The following TTLL1 variants were observed in gnomAD, a reference collection of about 807,000 sequenced individuals.
TTLL1 encodes TTL family tubulin polyglutamylase complex subunit L1.
In TTLL1, 33 loss-of-function variants were observed where a neutral mutation model predicts 47.8. That is an observed-to-expected ratio of 0.69 (90% CI 0.52 to 0.92). The LOEUF is 0.92. Among genes scored for constraint, TTLL1 ranks in the 40% least tolerant of loss-of-function variants. The pLI is 0.00. For synonymous variants in TTLL1, 225 were observed against 214.1 expected, an observed-to-expected ratio of 1.05 and a Z score of -0.45; for missense variants, 488 against 547.5, an observed-to-expected ratio of 0.89 and a Z score of 1.08.
rs149053924 is a variant in TTLL1 at position 43,064,267 on chromosome 22, C to G, written c.561G>C (p.Pro187=). 1 of 1,614,068 alleles carries G rather than the reference C, an allele frequency of 6.2e-7. No individual in the cohort carries two copies. Residue 187 remains proline (P), a synonymous_variant, in exon 6 of 11, where the codon CCG becomes CCC. Transcript: ENST00000266254. ...CGAACTTCCTCCCGCCAATTAGTAA[C>G]GGGTTGTTAATATAGAGAGAGATCA... The part of the protein sequence containing the change: ...AYVISLYINN[P]LLIGGRKFDL...
At chr22:43,063,043 C>T (rs967509715) in intron 7 of TTLL1, among the ~76,000 whole-genome samples, 3 of 152,272 alleles carry the variant, frequency 2.0e-5, no homozygotes, top group Middle Eastern at 3.4e-3. Context: ...ACTTGAAGTA[C>T]GGTTCCTACT....
At position 43,064,280 on chromosome 22, in the gene TTLL1, T is replaced by TAG. The variant is rs747320352; in HGVS notation, c.546_547dup (p.Tyr183SerfsTer8). 3.1e-6 allele frequency: 5 copies of TAG among 1,614,000 alleles called. No homozygotes were observed. The South Asian group carries it at 5.5e-5, about 18-fold the overall frequency. On this transcript the variant is annotated frameshift_variant, in exon 6 of 11. Transcript: ENST00000266254. LOFTEE classifies it high-confidence loss of function. ...GCCAATTAGTAACGGGTTGTTAATATAGAGAGAGATCACGTAGGCTTCCTT... is the reference window on the plus strand; with the variant it reads ...GCCAATTAGTAACGGGTTGTTAATATAGAGAGAGAGATCACGTAGGCTTCCTT...
chr22:43,067,970 ATTTTTT>A (rs528981760), intron 5 of TTLL1, among the ~76,000 whole-genome samples: 6 of 129,646 alleles, frequency 4.6e-5, no homozygotes, highest in Admixed American at 3.3e-4. Context: ...CACCTGGCTA[ATTTTTT>A]TTTTTTTTTT....
At chr22:43,069,457 A>C in intron 4 of TTLL1, 179 bp downstream of exon 4, 1 of 1,066,150 alleles carries the variant, frequency 9.4e-7, no homozygotes, top group Non-Finnish European at 1.3e-6. Flanking sequence ...CTAGGATGCC[A>C]CACTCAGGCC....
Position 43,087,100 on chromosome 22 carries a change from A to T in TTLL1, c.-90+2177T>A, listed in dbSNP as rs6003047. Among the ~76,000 whole-genome samples the T allele has an allele frequency of 8.3e-3, 1,257 of 152,236 alleles. 16 individuals carry two copies. The highest frequency in any genetic ancestry group is 0.026 in the African/African-American group (1,076 of 41,544). The stretch of plus-strand genomic sequence containing the variant: ...TCGTCCTCCAGATCTGTCCCTTCTC[A>T]AAAGTCAACTGCTCAGAGTGGCTTT... On this transcript the variant is annotated intron_variant, in intron 1 of 10. Coordinates refer to ENST00000266254, the MANE Select transcript of TTLL1 (RefSeq NM_012263.5).
chr22:43,076,860 G>A (rs367805313), intron 2 of TTLL1, among the ~76,000 whole-genome samples: 2 of 151,946 alleles, frequency 1.3e-5, no homozygotes, highest in Admixed American at 1.3e-4. Context: ...CCAGCACTTT[G>A]GGAGGCCGAG....
At chr22:43,088,324 C>CTTTTTTTTTTTTTTTTTTT (rs1167618669) in intron 1 of TTLL1, among the ~76,000 whole-genome samples, 6 of 56,490 alleles carry the variant, frequency 1.1e-4, no homozygotes, top group African/African-American at 4.4e-4. Flanking sequence ...AAGGGCCCAT[C>CTTTTTTTTTTTTTTTTTTT]TTTTTTTTTT....
intron 8 of TTLL1, among the ~76,000 whole-genome samples, chr22:43,054,850 C>T (rs889487163): frequency 4.0e-5 from 6 of 151,614 alleles, no homozygotes; most frequent in African/African-American, 7.3e-5. Flanking sequence ...CTCAGCCTCC[C>T]GAGTAGCTGG....
chr22:43,043,141 A>G (rs1925832939), intron 10 of TTLL1, among the ~76,000 whole-genome samples: 1 of 151,614 alleles, frequency 6.6e-6, no homozygotes, highest in African/African-American at 2.4e-5. Flanking sequence ...GGATTTCACC[A>G]TGTTGGCCAG....
chr22:43,041,807 C>A (rs753953917), intron 10 of TTLL1, among the ~76,000 whole-genome samples: 4 of 152,148 alleles, frequency 2.6e-5, no homozygotes, highest in African/African-American at 4.8e-5. Flanking sequence ...TGAGCCACTG[C>A]GCCTGGCCGC....
At position 43,046,490 on chromosome 22, in the gene TTLL1, G is replaced by A. The variant is rs1277516685; in HGVS notation, c.1062C>T (p.Ile354=). The stretch of plus-strand genomic sequence containing the variant: ...CTGGGATTTCACCATTCGGGACGGC[G>A]ATGTTGAGGGTGTCATTAATCAGGT... ...KYNLINDTLN[I]AVPNGEIPDC... The change falls in exon 10 of 11, where the codon ATC becomes ATT. Residue 354 remains isoleucine (I), a synonymous_variant. Transcript: ENST00000266254. 3.7e-6 allele frequency: 6 copies of A among 1,613,986 alleles called. No individual in the cohort carries two copies. Among genetic ancestry groups the A allele is most frequent in the Non-Finnish European group, 5.1e-6 (6 of 1,180,036 alleles).
chr22:43,055,916 T>C lies in TTLL1; in HGVS notation c.891+3468A>G, dbSNP rs576871657. Among the ~76,000 whole-genome samples the C allele has an allele frequency of 2.0e-3, 299 of 151,712 alleles. 1 individual carries two copies. Among genetic ancestry groups the C allele is most frequent in the Non-Finnish European group, 1.9e-3 (129 of 67,924 alleles). ...ATGTTTCTTTTTTTGTCTTTTTTTT[T>C]CCCTTTTTGTGGAGAAGGAGGTCTC... On this transcript the variant is annotated intron_variant, in intron 8 of 10. Transcript: ENST00000266254.
chr22:43,042,830 T>G (rs1328587552), intron 10 of TTLL1, among the ~76,000 whole-genome samples: 2 of 152,080 alleles, frequency 1.3e-5, no homozygotes, highest in Non-Finnish European at 2.9e-5. Context: ...CACAAGAGCC[T>G]TCCATTACTC....
At chr22:43,069,988 C>T (rs1017543132) in intron 3 of TTLL1, 144 bp from the exon 4 acceptor site, 20 of 1,359,974 alleles carry the variant, frequency 1.5e-5, no homozygotes, top group African/African-American at 1.2e-4. Context: ...AGGGGTTGCC[C>T]GGCCCACAGC....
At chr22:43,070,197 C>G (rs1569438208) in intron 3 of TTLL1, 1 of 1,343,944 alleles carries the variant, frequency 7.4e-7, no homozygotes, top group African/African-American at 1.5e-5. Flanking sequence ...AGTCAGGAAA[C>G]TCATTTAAAC....
chr22:43,069,600 T>C, intron 4 of TTLL1, 36 bp downstream of exon 4: 1 of 1,613,136 alleles, frequency 6.2e-7, no homozygotes. Context: ...ATTCAGCTGT[T>C]TACTGAAAAC....
intron 1 of TTLL1, among the ~76,000 whole-genome samples, chr22:43,082,126 A>G (rs2146993847): frequency 6.6e-6 from 1 of 151,308 alleles, no homozygotes; most frequent in African/African-American, 2.4e-5. Context: ...TGCTGGGATT[A>G]CTGGTGTGAG....
chr22:43,079,546 C>G (rs1406336604), intron 2 of TTLL1, among the ~76,000 whole-genome samples: 1 of 152,372 alleles, frequency 6.6e-6, no homozygotes, highest in Middle Eastern at 3.4e-3. Flanking sequence ...GGGGACCACC[C>G]CCCAACCACC....
chr22:43,043,995 C>G (rs1925904228), intron 10 of TTLL1, among the ~76,000 whole-genome samples: 1 of 152,044 alleles, frequency 6.6e-6, no homozygotes, highest in African/African-American at 2.4e-5. Flanking sequence ...CCCCAAGCCT[C>G]GTCACCCCTT....
Sources: allele counts gnomAD v4.1 joint callset (sites outside exome capture counted in the v4.1 genomes callset), GRCh38; gene constraint gnomAD v4.1.1; transcripts MANE v1.5; gene names NCBI Gene and HGNC (gene_info 2026-07-23, HGNC 2026-07-21).